PCCB: variants seen among roughly 807,000 people sequenced by gnomAD.
The protein encoded by PCCB is propionyl-CoA carboxylase beta chain, mitochondrial.
A neutral mutation model predicts 60.7 loss-of-function variants in PCCB; 43 were observed. That is an observed-to-expected ratio of 0.71 (90% CI 0.55 to 0.91). The LOEUF (loss-of-function observed/expected upper bound fraction) is 0.91, where lower values mean the gene tolerates loss of function less well. Ranked by LOEUF, PCCB falls within the 40% of genes least tolerant of loss-of-function variation. The pLI is 0.00. For missense variants in PCCB, 766 were observed against 702.8 expected (o/e 1.09, Z -1.02); for synonymous variants, 276 against 255.9 (o/e 1.08, Z -0.75).
intron 4 of PCCB, among the ~76,000 whole-genome samples, chr3:136,261,746 G>T (rs1418404811): frequency 6.6e-6 from 1 of 152,158 alleles, no homozygotes; most frequent in African/African-American, 2.4e-5. Context: ...TTGGGTGTTT[G>T]GGGGCTTTAA....
intron 3 of PCCB, among the ~76,000 whole-genome samples, chr3:136,258,741 T>C (rs1461555094): frequency 2.6e-5 from 4 of 152,158 alleles, no homozygotes; most frequent in Non-Finnish European, 5.9e-5. Flanking sequence ...GTTAATTTCC[T>C]TTAGAGAACA....
intron 10 of PCCB, among the ~76,000 whole-genome samples, chr3:136,322,969 T>A (rs1337059318): frequency 6.6e-6 from 1 of 151,446 alleles, no homozygotes; most frequent in Non-Finnish European, 1.5e-5. Context: ...CACTGGATAA[T>A]CTTAATGAGG....
intron 5 of PCCB, among the ~76,000 whole-genome samples, chr3:136,283,506 T>TG (rs373643471): frequency 2.0e-3 from 305 of 152,150 alleles, no homozygotes; most frequent in African/African-American, 7.0e-3. Context: ...TTTGCACAGA[T>TG]GGGGGGCTTT....
Position 136,330,143 on chromosome 3 carries a change from C to CG in PCCB, c.*117_*118insG. 6.4e-7 allele frequency: 1 copy of CG among 1,567,518 alleles called. No homozygotes were observed. Among genetic ancestry groups the CG allele is most frequent in the Non-Finnish European group, 8.7e-7 (1 of 1,150,954 alleles). ...CAAATAGTTGGATAACTTAGAATAA[C>CG]TAAGTTTATTAAATTCTAGAAAGAT... On this transcript the variant is annotated 3_prime_UTR_variant, in exon 15 of 15. Coordinates refer to ENST00000251654, the MANE Select transcript of PCCB (RefSeq NM_000532.5).
chr3:136,281,346 T>C (rs1325817603), intron 5 of PCCB, among the ~76,000 whole-genome samples: 1 of 152,126 alleles, frequency 6.6e-6, no homozygotes, highest in African/African-American at 2.4e-5. Context: ...TATTTTGTTT[T>C]GTATTCCAGT....
chr3:136,283,934 C>T lies in PCCB; in HGVS notation c.641C>T (p.Thr214Met), dbSNP rs375740942. 73 of 1,607,430 alleles carry T rather than the reference C, an allele frequency of 4.5e-5. No homozygotes were observed. The highest frequency in any genetic ancestry group is 3.4e-4 in the Middle Eastern group (2 of 5,936). The change falls in exon 6 of 15, where the codon ACG becomes ATG. Residue 214 changes from threonine (T) to methionine (M), a missense_variant. Physicochemically the swap from Thr to Met is moderately conservative, Grantham distance 81 (BLOSUM62 -1). Coordinates refer to ENST00000251654, the MANE Select transcript of PCCB (RefSeq NM_000532.5). Reference sequence around the variant, plus strand: ...TACTCCCCAGCCCTAACAGACTTCACGTTCATGGTAAAGGTAAGAAAGAAG... The same window carrying T: ...TACTCCCCAGCCCTAACAGACTTCATGTTCATGGTAAAGGTAAGAAAGAAG... ...AVYSPALTDF[T>M]FMVKDTSYLF... is the part of the protein sequence containing the mutation.
At chr3:136,313,257 G>A (rs1934740390) in intron 9 of PCCB, among the ~76,000 whole-genome samples, 3 of 152,268 alleles carry the variant, frequency 2.0e-5, no homozygotes, top group East Asian at 1.9e-4. Flanking sequence ...ATAGATGTAC[G>A]AGGTTACGAC....
chr3:136,278,445 T>C (rs1942389288), intron 5 of PCCB, among the ~76,000 whole-genome samples: 1 of 152,122 alleles, frequency 6.6e-6, no homozygotes, highest in South Asian at 2.1e-4. Context: ...TTCTTCTAAG[T>C]GGGAGAGGCA....
intron 8 of PCCB, 65 bp from the exon 9 acceptor site, chr3:136,300,965 C>T: frequency 8.3e-7 from 1 of 1,209,976 alleles, no homozygotes; most frequent in Non-Finnish European, 1.2e-6. Context: ...CTTTCCCACC[C>T]CATTCCCACA....
chr3:136,268,168 G>A (rs1942087969), intron 5 of PCCB, among the ~76,000 whole-genome samples: 1 of 141,302 alleles, frequency 7.1e-6, no homozygotes, highest in Admixed American at 7.2e-5. Context: ...ATATAAGAGA[G>A]CCCAGCCAGC....
At chr3:136,301,154 C>T (rs1407624204) in intron 9 of PCCB, 43 bp downstream of exon 9, 4 of 1,450,826 alleles carry the variant, frequency 2.8e-6, no homozygotes, top group Admixed American at 3.3e-5. Context: ...TAGTCAGCCA[C>T]ATTCATGGGC....
intron 6 of PCCB, 86 bp downstream of exon 6, chr3:136,284,033 A>C: frequency 2.3e-6 from 2 of 858,570 alleles, no homozygotes. Context: ...ACCCAGATCT[A>C]GGTTGTTACC....
chr3:136,329,209 G>A lies in PCCB; in HGVS notation c.1498+352G>A, dbSNP rs183607298. On this transcript the variant is annotated intron_variant, in intron 14 of 14. Coordinates refer to ENST00000251654, the MANE Select transcript of PCCB (RefSeq NM_000532.5). ...TCCACAATTTGGTCTGGGCCCAGCT[G>A]AGTGGTTCTTGTGCTGGTCTTGCCT... Among the ~76,000 whole-genome samples the A allele has an allele frequency of 1.2e-4, 19 of 152,352 alleles. No homozygotes were observed. In the East Asian group the frequency reaches 1.9e-3, roughly 15 times the overall value.
At chr3:136,317,453 T>C (rs1318269976) in intron 10 of PCCB, among the ~76,000 whole-genome samples, 1 of 151,918 alleles carries the variant, frequency 6.6e-6, no homozygotes, top group Non-Finnish European at 1.5e-5. Flanking sequence ...GGTTTTGAAC[T>C]CCTGAGCTCA....
intron 13 of PCCB, 130 bp from the exon 14 acceptor site, chr3:136,328,628 T>C: frequency 1.4e-6 from 1 of 737,206 alleles, no homozygotes; most frequent in Non-Finnish European, 2.4e-6. Context: ...CTATGGCCTT[T>C]AGAGATGGCA....
At chr3:136,309,020 T>C (rs1264284707) in intron 9 of PCCB, among the ~76,000 whole-genome samples, 1 of 152,002 alleles carries the variant, frequency 6.6e-6, no homozygotes, top group Non-Finnish European at 1.5e-5. Flanking sequence ...CCCAGCACTT[T>C]GGGAGGCCGA....
At chr3:136,251,888 A>G (rs987178173) in intron 1 of PCCB, among the ~76,000 whole-genome samples, 1 of 150,976 alleles carries the variant, frequency 6.6e-6, no homozygotes, top group Non-Finnish European at 1.5e-5. Context: ...TTTTATTTTT[A>G]TGTTTTGATA....
intron 5 of PCCB, among the ~76,000 whole-genome samples, chr3:136,283,509 G>A (rs993947353): frequency 2.0e-5 from 3 of 151,976 alleles, no homozygotes; most frequent in Non-Finnish European, 4.4e-5. Flanking sequence ...GCACAGATGG[G>A]GGGCTTTGCA....
chr3:136,277,537 G>A (rs780474105), intron 5 of PCCB, among the ~76,000 whole-genome samples: 3 of 152,050 alleles, frequency 2.0e-5, no homozygotes, highest in Non-Finnish European at 4.4e-5. Context: ...ACAGCCAGGT[G>A]GGGGCTGGGT....
Sources: gnomAD v4.1 joint callset for allele counts (sites outside exome capture counted in the v4.1 genomes callset) on GRCh38, gnomAD v4.1.1 for gene constraint, MANE v1.5 for transcripts, NCBI Gene and HGNC (gene_info 2026-07-23, HGNC 2026-07-21) for gene names.